Variants in SUGCT observed in about 807,000 individuals in gnomAD.
SUGCT encodes succinyl-CoA:glutarate CoA-transferase.
SUGCT carries 41 observed loss-of-function variants against 55.0 expected under a neutral mutation model. The ratio of observed to expected loss-of-function variants is 0.74; its 90% confidence interval spans 0.58 to 0.97. SUGCT has a LOEUF of 0.97. Ranked by LOEUF, SUGCT falls within the 50% of genes least tolerant of loss-of-function variation. The pLI is 0.00. For missense variants in SUGCT, 568 were observed against 547.8 expected (o/e 1.04, Z -0.37); for synonymous variants, 187 against 200.4 (o/e 0.93, Z 0.56).
the SUGCT span, among the ~76,000 whole-genome samples, chr7:40,900,861 A>G: frequency 1.3e-5 from 2 of 152,262 alleles, no homozygotes; most frequent in Non-Finnish European, 2.9e-5. Context: ...CCTATGCGTT[A>G]TTTTTCCCCA....
At chr7:40,227,891 T>A (rs1788479090) in intron 6 of SUGCT, among the ~76,000 whole-genome samples, 1 of 151,542 alleles carries the variant, frequency 6.6e-6, no homozygotes, top group East Asian at 1.9e-4. Context: ...TATTTATTTA[T>A]TTATTTTTGA....
rs144955464 is a variant in SUGCT, at chr7:40,492,655, G to T, written c.987-3629G>T. Among the ~76,000 whole-genome samples the T allele has an allele frequency of 8.2e-3, 1,249 of 152,258 alleles. 47 individuals carry two copies. The highest frequency in any genetic ancestry group is 0.059 in the Admixed American group (903 of 15,290). On this transcript the variant is annotated intron_variant, in intron 11 of 13. Transcript: ENST00000335693. The stretch of plus-strand genomic sequence containing the variant: ...TTTGTATATATTGCTCTCTCTACCT[G>T]GAAGAGCCTTTCTCTCATCTTTCAT...
chr7:40,609,848 AT>A lies in SUGCT; in HGVS notation c.1089+113470del, dbSNP rs200454956. Among the ~76,000 whole-genome samples, 7 of 151,856 alleles carry A rather than the reference AT, an allele frequency of 4.6e-5. No homozygotes were observed. The East Asian group carries it at 9.7e-4, about 21-fold the overall frequency. On this transcript the variant is annotated intron_variant, in intron 12 of 13. Coordinates refer to ENST00000335693, the MANE Select transcript of SUGCT (RefSeq NM_001193313.2). ...AAAACGCTAAGTGATTTGTTTTTTG[AT>A]TTTTTTTAAGCCAAATCAGAATGCA...
chr7:40,657,724 C>T (rs1017187723), intron 12 of SUGCT, among the ~76,000 whole-genome samples: 11 of 152,244 alleles, frequency 7.2e-5, no homozygotes, highest in Admixed American at 1.3e-4. Flanking sequence ...TTAGTGGAGA[C>T]GGGGTTTCGC....
At chr7:40,836,389 C>T (rs138283935) in intron 13 of SUGCT, among the ~76,000 whole-genome samples, 7 of 152,242 alleles carry the variant, frequency 4.6e-5, no homozygotes, top group East Asian at 3.9e-4. Context: ...TAACACCTTG[C>T]GTAACTATAT....
chr7:40,728,340 G>A (rs1167235636), intron 12 of SUGCT, among the ~76,000 whole-genome samples: 3 of 152,182 alleles, frequency 2.0e-5, no homozygotes, highest in East Asian at 1.9e-4. Flanking sequence ...CCAACATGGC[G>A]AAACACTGTC....
At chr7:40,995,084 A>G in the SUGCT span, among the ~76,000 whole-genome samples, 1 of 152,154 alleles carries the variant, frequency 6.6e-6, no homozygotes, top group Admixed American at 6.5e-5. Context: ...ACGTTCCCTT[A>G]AACTTCACAT....
the SUGCT span, among the ~76,000 whole-genome samples, chr7:41,013,425 G>C: frequency 1.3e-5 from 2 of 152,172 alleles, no homozygotes; most frequent in African/African-American, 4.8e-5. Flanking sequence ...TCCAAAGAAG[G>C]GGACAGTTGT....
At position 40,165,557 on chromosome 7, in the gene SUGCT, C is replaced by T. The variant is rs546033722; in HGVS notation, c.101-15390C>T. Among the ~76,000 whole-genome samples, 10 of 152,290 alleles carry T rather than the reference C, an allele frequency of 6.6e-5. No homozygotes were observed. In the South Asian group the frequency reaches 1.9e-3, roughly 28 times the overall value. ...GATATACAAGCTGCTCAATATATTT[C>T]AACAAATTACATTACAATTTATGCC... On this transcript the variant is annotated intron_variant, in intron 1 of 13. Coordinates refer to ENST00000335693, the MANE Select transcript of SUGCT (RefSeq NM_001193313.2).
intron 12 of SUGCT, among the ~76,000 whole-genome samples, chr7:40,735,233 G>A (rs1228682532): frequency 6.6e-6 from 1 of 152,230 alleles, no homozygotes; most frequent in Non-Finnish European, 1.5e-5. Flanking sequence ...AATTAAAGAT[G>A]TAAGTCGGGA....
At chr7:40,507,357 C>T (rs1792666772) in intron 12 of SUGCT, among the ~76,000 whole-genome samples, 1 of 152,088 alleles carries the variant, frequency 6.6e-6, no homozygotes, top group African/African-American at 2.4e-5. Flanking sequence ...ATCTTGACCT[C>T]TAGGGGTCAC....
At chr7:40,201,583 T>G (rs1786605823) in intron 6 of SUGCT, among the ~76,000 whole-genome samples, 1 of 152,150 alleles carries the variant, frequency 6.6e-6, no homozygotes, top group South Asian at 2.1e-4. Flanking sequence ...GTTTGACATA[T>G]TTACCATTTC....
the SUGCT span, among the ~76,000 whole-genome samples, chr7:40,936,407 C>G: frequency 6.6e-6 from 1 of 151,638 alleles, no homozygotes; most frequent in East Asian, 1.9e-4. Flanking sequence ...CCTTAAAATT[C>G]TTATTTTAAT....
intron 6 of SUGCT, among the ~76,000 whole-genome samples, chr7:40,198,147 A>G (rs951130185): frequency 9.2e-5 from 14 of 152,220 alleles, no homozygotes; most frequent in African/African-American, 2.7e-4. Flanking sequence ...TCATTATTCT[A>G]TAATCTCCTA....
chr7:40,291,458 G>C (rs985125177), intron 8 of SUGCT, among the ~76,000 whole-genome samples: 4 of 134,280 alleles, frequency 3.0e-5, no homozygotes, highest in African/African-American at 1.1e-4. Flanking sequence ...TGAACAATGA[G>C]AACACATGGA....
Position 40,561,018 on chromosome 7 carries a change from A to G in SUGCT, c.1089+64632A>G, listed in dbSNP as rs538168662. ...AAATTTGTTGAAACAAATATGCAACACTTGAAATTAAATGGTGATTATCAC... is the reference window on the plus strand; with the variant it reads ...AAATTTGTTGAAACAAATATGCAACGCTTGAAATTAAATGGTGATTATCAC... On this transcript the variant is annotated intron_variant, in intron 12 of 13. Transcript: ENST00000335693. 2.6e-5 allele frequency among the ~76,000 whole-genome samples: 4 copies of G among 152,370 alleles called. No homozygotes were observed. The East Asian group carries it at 5.8e-4, about 22-fold the overall frequency.
At chr7:40,181,038 TC>T (rs1562557151) in intron 2 of SUGCT, 40 bp downstream of exon 2, 1 of 1,421,750 alleles carries the variant, frequency 7.0e-7, no homozygotes, top group East Asian at 2.3e-5. Context: ...ATTGGGTTTT[TC>T]CCTTTCCTCA....
intron 12 of SUGCT, among the ~76,000 whole-genome samples, chr7:40,561,627 A>G (rs1205002896): frequency 1.3e-5 from 2 of 151,862 alleles, no homozygotes; most frequent in East Asian, 3.9e-4. Context: ...TTGAAGCACA[A>G]CAGACCTGTG....
intron 12 of SUGCT, among the ~76,000 whole-genome samples, chr7:40,674,895 G>T (rs191037909): frequency 6.6e-6 from 1 of 152,024 alleles, no homozygotes; most frequent in African/African-American, 2.4e-5. Context: ...TGCAGAAGGT[G>T]GAGGTGAGTG....
Sources: gnomAD v4.1 joint callset for allele counts (sites outside exome capture counted in the v4.1 genomes callset) on GRCh38, gnomAD v4.1.1 for gene constraint, MANE v1.5 for transcripts, NCBI Gene and HGNC (gene_info 2026-07-23, HGNC 2026-07-21) for gene names.